The following KCNH7 variants were observed in gnomAD, a reference collection of about 807,000 sequenced individuals.
The protein encoded by KCNH7 is voltage-gated inwardly rectifying potassium channel KCNH7.
A neutral mutation model predicts 120.8 loss-of-function variants in KCNH7; 49 were observed. That is an observed-to-expected ratio of 0.41 (90% CI 0.32 to 0.51). The LOEUF is 0.51. Ranked by LOEUF, KCNH7 falls within the 20% of genes least tolerant of loss-of-function variation. The pLI is 0.38. For synonymous variants in KCNH7, 547 were observed against 516.1 expected (o/e 1.06, Z -0.81); for missense variants, 1,097 against 1,446.6 (o/e 0.76, Z 3.92).
intron 2 of KCNH7, among the ~76,000 whole-genome samples, chr2:162,539,798 G>C (rs1234535630): frequency 1.3e-5 from 2 of 151,960 alleles, no homozygotes; most frequent in Non-Finnish European, 2.9e-5. Flanking sequence ...TTCTCTTTTA[G>C]TTTGGGGATT....
chr2:162,807,323 G>T (rs1375316504), intron 2 of KCNH7, among the ~76,000 whole-genome samples: 1 of 146,394 alleles, frequency 6.8e-6, no homozygotes, highest in Non-Finnish European at 1.5e-5. Context: ...TGTAGTCCCA[G>T]CTACTGGAGA....
At position 162,384,893 on chromosome 2, in the gene KCNH7, A is replaced by AT. The variant is rs773689419; in HGVS notation, c.2756dup (p.His919GlnfsTer10). On this transcript the variant is annotated frameshift_variant, in exon 13 of 16. Transcript: ENST00000332142. LOFTEE classifies it high-confidence loss of function. ...CAAAGTGTCTCTTGGAACTCTGATA[A>AT]TGTCTTATGGTATCTGCAGAGTCTT... 6.2e-7 allele frequency: 1 copy of AT among 1,612,276 alleles called. No individual in the cohort carries two copies. The highest frequency in any genetic ancestry group is 1.1e-5 in the South Asian group (1 of 91,048).
At chr2:162,574,952 A>T (rs1693620477) in intron 2 of KCNH7, among the ~76,000 whole-genome samples, 1 of 152,102 alleles carries the variant, frequency 6.6e-6, no homozygotes, top group South Asian at 2.1e-4. Context: ...GAGAATACTA[A>T]ATATTGTATG....
At chr2:162,733,241 G>C (rs139581825) in intron 2 of KCNH7, among the ~76,000 whole-genome samples, 1 of 152,146 alleles carries the variant, frequency 6.6e-6, no homozygotes, top group East Asian at 1.9e-4. Flanking sequence ...AGCATGGATC[G>C]TTCCCAGATT....
intron 12 of KCNH7, among the ~76,000 whole-genome samples, chr2:162,385,275 A>C (rs954676545): frequency 6.6e-6 from 1 of 151,954 alleles, no homozygotes; most frequent in East Asian, 1.9e-4. Context: ...AAGACAAGGG[A>C]AAATGTGTCC....
intron 10 of KCNH7, 23 bp downstream of exon 10, chr2:162,400,166 C>T (rs771839647): frequency 1.2e-6 from 2 of 1,609,170 alleles, no homozygotes; most frequent in Non-Finnish European, 1.7e-6. Context: ...GAATCTGTCA[C>T]CATGCACTTC....
intron 6 of KCNH7, among the ~76,000 whole-genome samples, chr2:162,453,208 G>T (rs973817949): frequency 6.6e-6 from 1 of 152,132 alleles, no homozygotes; most frequent in Non-Finnish European, 1.5e-5. Flanking sequence ...GTGAGAACAT[G>T]CAGTGTTTGG....
intron 2 of KCNH7, among the ~76,000 whole-genome samples, chr2:162,834,067 T>C (rs924568195): frequency 2.6e-5 from 4 of 152,046 alleles, no homozygotes; most frequent in Middle Eastern, 3.2e-3. Flanking sequence ...CCAACAAATA[T>C]GTTGGTGATT....
chr2:162,670,142 T>C (rs1207807679), intron 2 of KCNH7, among the ~76,000 whole-genome samples: 1 of 149,850 alleles, frequency 6.7e-6, no homozygotes, highest in African/African-American at 2.5e-5. Context: ...CCCAAAAGAA[T>C]GTTTGAAATG....
At chr2:162,679,109 T>C (rs1685624857) in intron 2 of KCNH7, among the ~76,000 whole-genome samples, 1 of 151,608 alleles carries the variant, frequency 6.6e-6, no homozygotes, top group South Asian at 2.1e-4. Context: ...ATGTAAGATT[T>C]CAGAAACAGA....
intron 11 of KCNH7, among the ~76,000 whole-genome samples, chr2:162,395,791 T>C (rs942739767): frequency 1.3e-5 from 2 of 151,756 alleles, no homozygotes; most frequent in Non-Finnish European, 3.0e-5. Context: ...AATTCCTCTT[T>C]CTCTTTTAAG....
At chr2:162,687,075 T>C (rs751132537) in intron 2 of KCNH7, among the ~76,000 whole-genome samples, 1 of 152,100 alleles carries the variant, frequency 6.6e-6, no homozygotes, top group Non-Finnish European at 1.5e-5. Context: ...CTTTCCTCAG[T>C]AATAAAAATT....
At chr2:162,549,018 T>G (rs17786031) in intron 2 of KCNH7, among the ~76,000 whole-genome samples, 2,130 of 152,306 alleles carry the variant, frequency 0.014, 19 homozygotes, top group Non-Finnish European at 0.023. Context: ...ACCATTTCCC[T>G]TTTGAACATC....
chr2:162,535,572 T>C (rs1460602760), intron 3 of KCNH7, among the ~76,000 whole-genome samples: 2 of 151,752 alleles, frequency 1.3e-5, no homozygotes, highest in Admixed American at 6.6e-5. Flanking sequence ...ATGCATACTA[T>C]ATTTTTGAAT....
At chr2:162,374,219 T>C (rs1370332719) in intron 14 of KCNH7, among the ~76,000 whole-genome samples, 4 of 152,224 alleles carry the variant, frequency 2.6e-5, no homozygotes, top group Non-Finnish European at 4.4e-5. Flanking sequence ...TGTTAAATTC[T>C]TTTTCCCTCT....
At chr2:162,669,613 CTCAT>C (rs1685268175) in intron 2 of KCNH7, among the ~76,000 whole-genome samples, 1 of 152,176 alleles carries the variant, frequency 6.6e-6, no homozygotes, top group Non-Finnish European at 1.5e-5. Context: ...ATTTGCACCG[CTCAT>C]TCAGAGAATA....
chr2:162,680,995 A>G (rs12615607), intron 2 of KCNH7, among the ~76,000 whole-genome samples: 25,698 of 151,644 alleles, frequency 0.17, 2,529 homozygotes, highest in East Asian at 0.46. Context: ...TTATTTAATC[A>G]TTAAAAACAA....
intron 2 of KCNH7, among the ~76,000 whole-genome samples, chr2:162,538,651 C>T (rs1029725502): frequency 6.6e-6 from 1 of 152,036 alleles, no homozygotes; most frequent in African/African-American, 2.4e-5. Context: ...TTCCTTTCTT[C>T]TTATCCTGCA....
At chr2:162,391,177 G>A (rs147171572) in intron 12 of KCNH7, among the ~76,000 whole-genome samples, 152 of 152,078 alleles carry the variant, frequency 1.0e-3, no homozygotes, top group African/African-American at 3.6e-3. Context: ...CCTTTCATAT[G>A]AGCAATGAAC....
Sources: gnomAD v4.1 joint callset for allele counts (sites outside exome capture counted in the v4.1 genomes callset) on GRCh38, gnomAD v4.1.1 for gene constraint, MANE v1.5 for transcripts, NCBI Gene and HGNC (gene_info 2026-07-23, HGNC 2026-07-21) for gene names.